Variants in FAM168A observed in about 807,000 individuals in gnomAD.
The protein encoded by FAM168A is protein FAM168A.
FAM168A carries 3 observed loss-of-function variants against 28.5 expected under a neutral mutation model. The observed-to-expected ratio is 0.11, with a 90% CI of 0.05 to 0.27. The LOEUF (loss-of-function observed/expected upper bound fraction) is 0.27. FAM168A is among the 10% of genes least tolerant of loss of function. The probability of loss-of-function intolerance (pLI) is 1.00; values close to 1 mark genes in which losing one functional copy is unlikely to be tolerated. For synonymous variants in FAM168A, 122 were observed against 124.2 expected (o/e 0.98, Z 0.12); for missense variants, 222 against 311.5 (o/e 0.71, Z 2.16).
chr11:73,536,413 C>T lies in FAM168A; in HGVS notation c.-19+61510G>A, dbSNP rs1339406434. 5.9e-5 allele frequency among the ~76,000 whole-genome samples: 9 copies of T among 152,128 alleles called. No individual in the cohort carries two copies. The East Asian group carries it at 1.2e-3, about 20-fold the overall frequency. ...AATAAATAGGCCTCCCCAGGCCAAG[C>T]GCGGTAGATCACGCCTGTAATCCCA... On this transcript the variant is annotated intron_variant, in intron 1 of 7. Transcript: ENST00000356467.
intron 1 of FAM168A, among the ~76,000 whole-genome samples, chr11:73,528,155 G>A (rs1419083524): frequency 2.0e-5 from 3 of 152,116 alleles, no homozygotes; most frequent in African/African-American, 7.2e-5. Flanking sequence ...CTGTCTCCTA[G>A]AACAGAATCT....
chr11:73,428,977 C>A (rs1337085407), intron 3 of FAM168A, among the ~76,000 whole-genome samples: 3 of 152,096 alleles, frequency 2.0e-5, no homozygotes, highest in Non-Finnish European at 4.4e-5. Context: ...ATACCATAGC[C>A]TATTTACATA....
chr11:73,500,296 T>C (rs1347735544), intron 1 of FAM168A, among the ~76,000 whole-genome samples: 6 of 147,630 alleles, frequency 4.1e-5, no homozygotes, highest in Admixed American at 2.7e-4. Flanking sequence ...TCTTGCTCTG[T>C]CACCCAGGCT....
At chr11:73,573,729 A>G (rs1944137254) in intron 1 of FAM168A, among the ~76,000 whole-genome samples, 1 of 151,474 alleles carries the variant, frequency 6.6e-6, no homozygotes, top group Non-Finnish European at 1.5e-5. Flanking sequence ...GCTGGAAGAC[A>G]GGAGGTTGGC....
chr11:73,425,033 T>G, intron 3 of FAM168A: 1 of 1,530,900 alleles, frequency 6.5e-7, no homozygotes, highest in Non-Finnish European at 8.7e-7. Flanking sequence ...ATAAGCTGAA[T>G]GCAGGAACTG....
intron 1 of FAM168A, among the ~76,000 whole-genome samples, chr11:73,544,745 T>C (rs1351417142): frequency 2.5e-5 from 3 of 119,338 alleles, no homozygotes; most frequent in Admixed American, 1.2e-4. Context: ...TATATAATTA[T>C]ATATTTTATA....
intron 1 of FAM168A, among the ~76,000 whole-genome samples, chr11:73,519,286 A>C (rs1943346127): frequency 6.6e-6 from 1 of 151,964 alleles, no homozygotes; most frequent in Non-Finnish European, 1.5e-5. Flanking sequence ...AGGAACCATG[A>C]AAAAAAATGT....
At chr11:73,456,554 A>G (rs192867550) in intron 2 of FAM168A, among the ~76,000 whole-genome samples, 2 of 152,220 alleles carry the variant, frequency 1.3e-5, no homozygotes, top group Admixed American at 1.3e-4. Flanking sequence ...AAAAGAAAAA[A>G]AAAATCCTTA....
At chr11:73,516,176 G>A (rs1943301815) in intron 1 of FAM168A, among the ~76,000 whole-genome samples, 1 of 151,678 alleles carries the variant, frequency 6.6e-6, no homozygotes, top group South Asian at 2.1e-4. Flanking sequence ...CTCTTTGGGG[G>A]AACATCTGGG....
chr11:73,525,179 CAAATA>C (rs1319710679), intron 1 of FAM168A, among the ~76,000 whole-genome samples: 1 of 152,046 alleles, frequency 6.6e-6, no homozygotes, highest in East Asian at 1.9e-4. Flanking sequence ...ACGTTTTTCT[CAAATA>C]TCAGGTGATC....
chr11:73,531,419 G>A (rs1943512020), intron 1 of FAM168A, among the ~76,000 whole-genome samples: 1 of 152,192 alleles, frequency 6.6e-6, no homozygotes, highest in South Asian at 2.1e-4. Flanking sequence ...ATAGATATCA[G>A]ATGAACGACA....
chr11:73,414,604 G>T lies in FAM168A; in HGVS notation c.278-3068C>A, dbSNP rs115206892. On this transcript the variant is annotated intron_variant, in intron 4 of 7. Transcript: ENST00000356467. ...ATACATCAGTCTCGCGTGTGATATG[G>T]GAACAGTAATGGTACCTACTTCATT... 4.8e-3 allele frequency among the ~76,000 whole-genome samples: 727 copies of T among 152,266 alleles called. 7 individuals are homozygous for T. Among genetic ancestry groups the T allele is most frequent in the African/African-American group, 0.017 (700 of 41,552 alleles).
intron 2 of FAM168A, among the ~76,000 whole-genome samples, chr11:73,463,827 TAA>T (rs1426281155): frequency 2.6e-5 from 4 of 152,124 alleles, no homozygotes; most frequent in Non-Finnish European, 5.9e-5. Flanking sequence ...GGATAAAGGC[TAA>T]AAAGGGTCCA....
intron 4 of FAM168A, among the ~76,000 whole-genome samples, chr11:73,416,491 A>T (rs1398629037): frequency 6.6e-6 from 1 of 152,230 alleles, no homozygotes; most frequent in Non-Finnish European, 1.5e-5. Context: ...GTGATGAATC[A>T]GCAGGAGACC....
intron 1 of FAM168A, among the ~76,000 whole-genome samples, chr11:73,489,702 A>C (rs111239766): frequency 2.8e-4 from 42 of 152,088 alleles, no homozygotes; most frequent in African/African-American, 9.9e-4. Flanking sequence ...TTGTTTTCAT[A>C]GAGATGCTGT....
chr11:73,594,249 G>A (rs1183125408), intron 1 of FAM168A, among the ~76,000 whole-genome samples: 4 of 151,616 alleles, frequency 2.6e-5, no homozygotes, highest in South Asian at 2.1e-4. Context: ...ACAGGTATAC[G>A]CTACCACACC....
chr11:73,417,207 G>A (rs566712327), intron 4 of FAM168A, among the ~76,000 whole-genome samples: 3 of 152,306 alleles, frequency 2.0e-5, no homozygotes, highest in South Asian at 2.1e-4. Flanking sequence ...GGTGGAAGAC[G>A]CTGAGTACAC....
chr11:73,580,288 A>G, intron 1 of FAM168A: 2 of 566,504 alleles, frequency 3.5e-6, no homozygotes, highest in Non-Finnish European at 3.5e-6. Context: ...GCTAAAGGAG[A>G]TAAAGCCAAG....
At chr11:73,592,872 C>CAAAAA (rs35686813) in intron 1 of FAM168A, among the ~76,000 whole-genome samples, 1 of 144,020 alleles carries the variant, frequency 6.9e-6, no homozygotes. Flanking sequence ...CTGTCTCTAC[C>CAAAAA]AAAAAAAAAA....
Sources: allele counts gnomAD v4.1 joint callset (sites outside exome capture counted in the v4.1 genomes callset), GRCh38; gene constraint gnomAD v4.1.1; transcripts MANE v1.5; gene names NCBI Gene and HGNC (gene_info 2026-07-23, HGNC 2026-07-21).